Variants in CHN2 observed in about 807,000 individuals in gnomAD.
CHN2 encodes the protein beta-chimaerin.
CHN2 carries 35 observed loss-of-function variants against 56.3 expected under a neutral mutation model. The observed-to-expected ratio is 0.62, with a 90% CI of 0.47 to 0.82. The LOEUF (loss-of-function observed/expected upper bound fraction) is 0.82. CHN2 is among the 40% of genes least tolerant of loss of function. CHN2 has a pLI of 0.00. For synonymous variants in CHN2, 210 were observed against 212.8 expected (o/e 0.99, Z 0.12); for missense variants, 491 against 580.5 (o/e 0.85, Z 1.58).
At chr7:29,155,468 T>C (rs773418844) in intron 2 of CHN2, among the ~76,000 whole-genome samples, 8 of 152,144 alleles carry the variant, frequency 5.3e-5, no homozygotes, top group Admixed American at 1.3e-4. Flanking sequence ...AAGGTAGATA[T>C]TATATTCTCC....
chr7:29,356,921 C>T (rs767761135), intron 2 of CHN2, among the ~76,000 whole-genome samples: 4 of 152,192 alleles, frequency 2.6e-5, no homozygotes, highest in Non-Finnish European at 5.9e-5. Context: ...CACACTGGCT[C>T]GCGCATGGCC....
At chr7:29,337,626 A>C (rs1562527846) in intron 1 of CHN2, among the ~76,000 whole-genome samples, 1 of 152,220 alleles carries the variant, frequency 6.6e-6, no homozygotes, top group African/African-American at 2.4e-5. Context: ...CCACGGGGTG[A>C]CAGGAAAGCT....
chr7:29,182,086 C>T (rs1798130631), intron 2 of CHN2, among the ~76,000 whole-genome samples: 1 of 152,228 alleles, frequency 6.6e-6, no homozygotes, highest in African/African-American at 2.4e-5. Flanking sequence ...TTTAAAAAGA[C>T]AATATTCCTT....
At chr7:29,466,092 C>T (rs1464750945) in intron 6 of CHN2, among the ~76,000 whole-genome samples, 1 of 152,112 alleles carries the variant, frequency 6.6e-6, no homozygotes, top group Non-Finnish European at 1.5e-5. Context: ...ATCCCAGCCA[C>T]TCAGGAGGCT....
At chr7:29,509,150 C>A in intron 11 of CHN2, 151 bp from the exon 12 acceptor site, 1 of 606,626 alleles carries the variant, frequency 1.6e-6, no homozygotes, top group South Asian at 1.8e-5. Context: ...CACAGGACAC[C>A]AACAAATTGA....
At chr7:29,398,207 AGG>A (rs1461798786) in intron 4 of CHN2, 164 bp from the exon 5 acceptor site, 3 of 528,786 alleles carry the variant, frequency 5.7e-6, no homozygotes, top group Non-Finnish European at 6.8e-6. Context: ...GGAGCATGTG[AGG>A]GGTGGTTCCA....
At chr7:29,499,808 T>G (rs549732510) in intron 8 of CHN2, 59 bp from the exon 9 acceptor site, 2 of 1,449,026 alleles carry the variant, frequency 1.4e-6, no homozygotes, top group Non-Finnish European at 1.8e-6. Flanking sequence ...CAACATATAA[T>G]TTGTGTTGTG....
At chr7:29,374,544 A>G (rs1025758765) in intron 3 of CHN2, among the ~76,000 whole-genome samples, 2 of 152,162 alleles carry the variant, frequency 1.3e-5, no homozygotes, top group Non-Finnish European at 2.9e-5. Context: ...CACCTAGAAC[A>G]TATTTAGACA....
At chr7:29,181,242 T>G in intron 2 of CHN2, 1 of 152,206 alleles carries the variant, frequency 6.6e-6, no homozygotes. Context: ...TTTCATAGCC[T>G]TTGACCAAGG....
At chr7:29,384,967 G>A (rs547077839) in intron 3 of CHN2, among the ~76,000 whole-genome samples, 1 of 152,198 alleles carries the variant, frequency 6.6e-6, no homozygotes, top group African/African-American at 2.4e-5. Flanking sequence ...TGTATGCATA[G>A]CATGGCTGAT....
At chr7:29,357,698 A>G (rs890716994) in intron 2 of CHN2, among the ~76,000 whole-genome samples, 1 of 152,176 alleles carries the variant, frequency 6.6e-6, no homozygotes, top group African/African-American at 2.4e-5. Flanking sequence ...GAAGAGGTCA[A>G]ATTTGCATGT....
At chr7:29,345,628 C>CG (rs1797374821) in intron 1 of CHN2, among the ~76,000 whole-genome samples, 1 of 152,032 alleles carries the variant, frequency 6.6e-6, no homozygotes, top group African/African-American at 2.4e-5. Context: ...GGATGCTGAC[C>CG]GGGGGCCAGA....
chr7:29,511,156 G>GT (rs1791312772), intron 12 of CHN2, among the ~76,000 whole-genome samples: 1 of 6,280 alleles, frequency 1.6e-4, no homozygotes, highest in Admixed American at 1.1e-3. Context: ...GCAAACGGAG[G>GT]ACTGTATAAA....
intron 6 of CHN2, among the ~76,000 whole-genome samples, chr7:29,442,456 G>T (rs1783716047): frequency 6.6e-6 from 1 of 152,164 alleles, no homozygotes; most frequent in Non-Finnish European, 1.5e-5. Flanking sequence ...AGGTGGATTG[G>T]CTCTATTTGT....
chr7:29,211,678 A>G (rs1479450305), intron 1 of CHN2, among the ~76,000 whole-genome samples: 1 of 152,198 alleles, frequency 6.6e-6, no homozygotes, highest in Admixed American at 6.5e-5. Flanking sequence ...CCAGAACTCC[A>G]AAGATGTAGC....
intron 2 of CHN2, among the ~76,000 whole-genome samples, chr7:29,175,695 A>G (rs1797223206): frequency 6.6e-6 from 1 of 152,162 alleles, no homozygotes; most frequent in Non-Finnish European, 1.5e-5. Flanking sequence ...AAATTGATTG[A>G]TAGCCAACGG....
At chr7:29,429,350 A>G (rs1003998214) in intron 6 of CHN2, among the ~76,000 whole-genome samples, 6 of 152,246 alleles carry the variant, frequency 3.9e-5, no homozygotes, top group East Asian at 1.9e-4. Flanking sequence ...TATTGCAGTA[A>G]GAGTGAAATA....
At chr7:29,333,191 G>GT (rs1263509638) in intron 1 of CHN2, among the ~76,000 whole-genome samples, 4 of 152,128 alleles carry the variant, frequency 2.6e-5, no homozygotes, top group Non-Finnish European at 5.9e-5. Context: ...GGGCTGGGGT[G>GT]TACAGAGCAG....
chr7:29,280,782 G>C (rs1047129293), intron 1 of CHN2, among the ~76,000 whole-genome samples: 1 of 152,152 alleles, frequency 6.6e-6, no homozygotes, highest in African/African-American at 2.4e-5. Context: ...AAACCAATGA[G>C]TGATAGGAAC....
Sources: allele counts gnomAD v4.1 joint callset (sites outside exome capture counted in the v4.1 genomes callset), GRCh38; gene constraint gnomAD v4.1.1; transcripts MANE v1.5; gene names NCBI Gene and HGNC (gene_info 2026-07-23, HGNC 2026-07-21).